The following NLGN1 variants were observed in gnomAD, a reference collection of about 807,000 sequenced individuals.
The protein encoded by NLGN1 is neuroligin 1, also known as neuroligin-1.
A neutral mutation model predicts 65.5 loss-of-function variants in NLGN1; 12 were observed. The ratio of observed to expected loss-of-function variants is 0.18; its 90% CI spans 0.12 to 0.30. The LOEUF is 0.30. NLGN1 is among the 10% of genes least tolerant of loss of function. NLGN1 has a pLI of 1.00. For synonymous variants in NLGN1, 350 were observed against 359.5 expected (o/e 0.97, Z 0.30); for missense variants, 750 against 1,007.1 (o/e 0.74, Z 3.46).
At chr3:173,603,817 T>C (rs962259329) in intron 2 of NLGN1, among the ~76,000 whole-genome samples, 4 of 152,080 alleles carry the variant, frequency 2.6e-5, no homozygotes, top group Admixed American at 2.0e-4. Flanking sequence ...GCCACCTTTT[T>C]GTTTGTTTTC....
At chr3:173,558,095 A>T (rs1742005315) in intron 2 of NLGN1, among the ~76,000 whole-genome samples, 1 of 150,316 alleles carries the variant, frequency 6.7e-6, no homozygotes, top group African/African-American at 2.4e-5. Context: ...ATTATTTCTG[A>T]TAGAATATCA....
intron 4 of NLGN1, among the ~76,000 whole-genome samples, chr3:173,865,256 T>G (rs1363475478): frequency 6.6e-6 from 1 of 152,146 alleles, no homozygotes; most frequent in African/African-American, 2.4e-5. Flanking sequence ...TTTTTTAATC[T>G]CAATTTTGAA....
intron 4 of NLGN1, among the ~76,000 whole-genome samples, chr3:174,114,896 A>G (rs1716051282): frequency 6.6e-6 from 1 of 152,126 alleles, no homozygotes; most frequent in Admixed American, 6.6e-5. Flanking sequence ...AAATTGTCCT[A>G]CAAAATAGCA....
At chr3:173,547,806 G>A (rs1385424335) in intron 2 of NLGN1, among the ~76,000 whole-genome samples, 1 of 152,064 alleles carries the variant, frequency 6.6e-6, no homozygotes, top group Non-Finnish European at 1.5e-5. Flanking sequence ...TAAAATGAAG[G>A]TGGTCTGATT....
At chr3:173,759,469 G>A (rs916087563) in intron 3 of NLGN1, among the ~76,000 whole-genome samples, 2 of 151,934 alleles carry the variant, frequency 1.3e-5, no homozygotes, top group Admixed American at 6.6e-5. Flanking sequence ...TGGAGTCACT[G>A]CTATGTATGT....
Position 173,436,573 on chromosome 3 carries a change from C to T in NLGN1, c.-321+1495C>T, listed in dbSNP as rs573378844. Among the ~76,000 whole-genome samples the T allele has an allele frequency of 1.2e-4, 19 of 152,298 alleles. No individual in the cohort carries two copies. The East Asian group carries it at 3.7e-3, about 29-fold the overall frequency. ...ATGTGTCCCATTAATTCCATATCTA[C>T]AGGTTTTTATCTGTAACTCAACCCA... On this transcript the variant is annotated intron_variant, in intron 2 of 6. Coordinates refer to ENST00000457714, the Ensembl canonical transcript of NLGN1.
At chr3:173,905,503 C>G (rs1560599188) in intron 4 of NLGN1, among the ~76,000 whole-genome samples, 1 of 152,130 alleles carries the variant, frequency 6.6e-6, no homozygotes, top group African/African-American at 2.4e-5. Flanking sequence ...CTGACATTTC[C>G]TTTTCCTGGT....
chr3:174,021,879 G>C (rs1727816096), intron 4 of NLGN1, among the ~76,000 whole-genome samples: 1 of 152,144 alleles, frequency 6.6e-6, no homozygotes, highest in African/African-American at 2.4e-5. Flanking sequence ...TTCTGGAAAG[G>C]GCAATCTCCA....
At chr3:173,523,558 G>A (rs1274112153) in intron 2 of NLGN1, among the ~76,000 whole-genome samples, 1 of 151,484 alleles carries the variant, frequency 6.6e-6, no homozygotes, top group Non-Finnish European at 1.5e-5. Context: ...AAAGATTAGT[G>A]GGTTATAGAT....
chr3:173,874,004 A>G (rs1731667275), intron 4 of NLGN1, among the ~76,000 whole-genome samples: 1 of 152,228 alleles, frequency 6.6e-6, no homozygotes. Flanking sequence ...CAGCCATGTG[A>G]GGACACAGTG....
At chr3:173,858,771 C>A (rs1324530115) in intron 4 of NLGN1, among the ~76,000 whole-genome samples, 5 of 151,974 alleles carry the variant, frequency 3.3e-5, no homozygotes, top group Non-Finnish European at 7.4e-5. Flanking sequence ...CATCTTTGAC[C>A]TAAATCGCAT....
At chr3:173,790,097 T>C (rs1712341869) in intron 3 of NLGN1, among the ~76,000 whole-genome samples, 1 of 152,188 alleles carries the variant, frequency 6.6e-6, no homozygotes. Flanking sequence ...TGGTACCTTA[T>C]GCCATGTAAT....
At chr3:174,154,979 ATTATATT>A (rs1725106388) in intron 4 of NLGN1, among the ~76,000 whole-genome samples, 1 of 128,136 alleles carries the variant, frequency 7.8e-6, no homozygotes, top group African/African-American at 2.8e-5. Flanking sequence ...TATATAATAT[ATTATATT>A]ATATATTATA....
intron 3 of NLGN1, among the ~76,000 whole-genome samples, chr3:173,670,945 A>C (rs1256366599): frequency 6.6e-6 from 1 of 152,222 alleles, no homozygotes; most frequent in Admixed American, 6.5e-5. Flanking sequence ...TAAATTACCT[A>C]AAAAGTGCAT....
chr3:173,578,610 A>G lies in NLGN1; in HGVS notation c.-320-25669A>G, dbSNP rs78376180. On this transcript the variant is annotated intron_variant, in intron 2 of 6. Coordinates refer to ENST00000457714, the Ensembl canonical transcript of NLGN1. Reference sequence around the variant, plus strand: ...ATAGACTCAAATAAACTAATATTTTACAATAAGCATTAATAGATGATATTT... The same window carrying G: ...ATAGACTCAAATAAACTAATATTTTGCAATAAGCATTAATAGATGATATTT... Among the ~76,000 whole-genome samples the G allele has an allele frequency of 0.01, 1,576 of 152,342 alleles. 38 individuals carry two copies. The East Asian group carries it at 0.11, about 10-fold the overall frequency.
intron 2 of NLGN1, among the ~76,000 whole-genome samples, chr3:173,462,164 A>C (rs1415095874): frequency 6.6e-6 from 1 of 152,170 alleles, no homozygotes; most frequent in East Asian, 1.9e-4. Context: ...TTCTTTACTT[A>C]TCTCATTGCA....
At chr3:174,026,003 C>T (rs994393947) in intron 4 of NLGN1, among the ~76,000 whole-genome samples, 5 of 151,852 alleles carry the variant, frequency 3.3e-5, no homozygotes, top group African/African-American at 1.2e-4. Context: ...GTTATTTAGT[C>T]CTATATTCCC....
chr3:173,743,356 C>T (rs772571077), intron 3 of NLGN1, among the ~76,000 whole-genome samples: 1 of 152,046 alleles, frequency 6.6e-6, no homozygotes, highest in Non-Finnish European at 1.5e-5. Context: ...AGAATGATTT[C>T]GTAGTGACTA....
chr3:173,695,611 T>G (rs1342247613), intron 3 of NLGN1: 1 of 306,004 alleles, frequency 3.3e-6, no homozygotes, highest in Non-Finnish European at 6.5e-6. Flanking sequence ...CTATTTTGTT[T>G]TTGTTTTTAA....
Sources: allele counts gnomAD v4.1 joint callset (sites outside exome capture counted in the v4.1 genomes callset), GRCh38; gene constraint gnomAD v4.1.1; transcripts MANE v1.5; gene names NCBI Gene and HGNC (gene_info 2026-07-23, HGNC 2026-07-21).